The following SEMA6D variants were observed in gnomAD, a reference collection of about 807,000 sequenced individuals.
The protein encoded by SEMA6D is semaphorin 6D.
A neutral mutation model predicts 106.6 loss-of-function variants in SEMA6D; 35 were observed. The ratio of observed to expected loss-of-function variants is 0.33; its 90% confidence interval spans 0.25 to 0.44. The LOEUF (loss-of-function observed/expected upper bound fraction) is 0.44. Ranked by LOEUF, SEMA6D falls within the 20% of genes least tolerant of loss-of-function variation. The pLI is 1.00. For missense variants in SEMA6D, 1,185 were observed against 1,345.9 expected (o/e 0.88, Z 1.87); for synonymous variants, 499 against 487.7 (o/e 1.02, Z -0.31).
chr15:47,601,183 G>C (rs2076650178), intron 4 of SEMA6D, among the ~76,000 whole-genome samples: 1 of 152,134 alleles, frequency 6.6e-6, no homozygotes, highest in Non-Finnish European at 1.5e-5. Context: ...TGATACAGCA[G>C]ACTCTTTGTC....
chr15:47,486,667 G>A (rs1198958302), intron 3 of SEMA6D, among the ~76,000 whole-genome samples: 5 of 152,198 alleles, frequency 3.3e-5, no homozygotes, highest in African/African-American at 1.2e-4. Context: ...ACATGGGAGA[G>A]CATACTCATA....
In SEMA6D at chr15:47,640,860, C is replaced by CTT. The variant is rs76422184; in HGVS notation, c.-55+39974_-55+39975dup. Reference sequence around the variant, plus strand: ...GGAAGGAAAGCTGAAAATTACATACCTTTTTTTTTTTAAATCGCTTCTTGA... The same window carrying CTT: ...GGAAGGAAAGCTGAAAATTACATACCTTTTTTTTTTTTTAAATCGCTTCTTGA... On this transcript the variant is annotated intron_variant, in intron 4 of 19. Transcript: ENST00000558014. 6.4e-4 allele frequency among the ~76,000 whole-genome samples: 95 copies of CTT among 147,466 alleles called. 1 individual carries two copies. Among genetic ancestry groups the CTT allele is most frequent in the African/African-American group, 2.2e-3 (87 of 40,306 alleles).
chr15:47,267,254 G>T (rs1012494410), intron 1 of SEMA6D, among the ~76,000 whole-genome samples: 4 of 152,016 alleles, frequency 2.6e-5, no homozygotes, highest in Admixed American at 2.6e-4. Flanking sequence ...TTAAAACTTT[G>T]TAGATCTGTT....
intron 2 of SEMA6D, among the ~76,000 whole-genome samples, chr15:47,451,911 A>G (rs1211654429): frequency 6.6e-6 from 1 of 152,016 alleles, no homozygotes; most frequent in Admixed American, 6.6e-5. Flanking sequence ...ATTCTATTGT[A>G]TGTAAATTAT....
intron 1 of SEMA6D, among the ~76,000 whole-genome samples, chr15:47,756,865 A>C (rs2081772290): frequency 6.7e-6 from 1 of 148,514 alleles, no homozygotes; most frequent in Non-Finnish European, 1.5e-5. Context: ...AAATGCCTCC[A>C]TTTATAACTA....
At chr15:47,681,752 A>G (rs1217498098) in intron 4 of SEMA6D, among the ~76,000 whole-genome samples, 1 of 152,200 alleles carries the variant, frequency 6.6e-6, no homozygotes, top group South Asian at 2.1e-4. Flanking sequence ...CAGTGGTGAT[A>G]TGAGGTTGAA....
At chr15:47,482,241 G>T (rs558661150) in intron 3 of SEMA6D, among the ~76,000 whole-genome samples, 1 of 152,156 alleles carries the variant, frequency 6.6e-6, no homozygotes, top group South Asian at 2.1e-4. Context: ...TTTTGAGGAA[G>T]ATTTTTAAAA....
At chr15:47,766,490 G>GT (rs950321375) in intron 15 of SEMA6D, 126 bp from the exon 16 acceptor site, 49,953 of 342,348 alleles carry the variant, frequency 0.15, no homozygotes, top group East Asian at 0.19. Context: ...TTAAAATGTT[G>GT]TTTTTTTTTT....
chr15:47,220,331 G>T (rs2031074798), intron 1 of SEMA6D, among the ~76,000 whole-genome samples: 1 of 152,180 alleles, frequency 6.6e-6, no homozygotes, highest in Non-Finnish European at 1.5e-5. Flanking sequence ...GTGCCAAGGT[G>T]CTGTTGTGGT....
At chr15:47,587,270 C>T (rs1243919919) in intron 3 of SEMA6D, among the ~76,000 whole-genome samples, 1 of 151,282 alleles carries the variant, frequency 6.6e-6, no homozygotes, top group Non-Finnish European at 1.5e-5. Context: ...CAAAGTGGTC[C>T]CATCACCTCC....
intron 1 of SEMA6D, among the ~76,000 whole-genome samples, chr15:47,386,776 G>C (rs1221112324): frequency 6.6e-6 from 1 of 152,158 alleles, no homozygotes; most frequent in Non-Finnish European, 1.5e-5. Context: ...TGCCAGGCAC[G>C]TTCTTATAGC....
chr15:47,615,432 ACT>A (rs767887118), intron 4 of SEMA6D, among the ~76,000 whole-genome samples: 54 of 152,244 alleles, frequency 3.5e-4, no homozygotes, highest in African/African-American at 1.2e-3. Context: ...AACTTCCATG[ACT>A]CTAGTTTTCT....
rs559202237 is a variant in SEMA6D, at chr15:47,231,184, G to A, written c.-239+46766G>A. ...TTTTTCTCTCTCTTTTATTTGGCTTGAATGTCGAGCTTAGCGGTTGAAATC... is the reference window on the plus strand; with the variant it reads ...TTTTTCTCTCTCTTTTATTTGGCTTAAATGTCGAGCTTAGCGGTTGAAATC... On this transcript the variant is annotated intron_variant, in intron 1 of 19. Coordinates refer to the SEMA6D transcript ENST00000558014. 2.6e-5 allele frequency among the ~76,000 whole-genome samples: 4 copies of A among 151,390 alleles called. No individual in the cohort carries two copies. The East Asian group carries it at 5.9e-4, about 22-fold the overall frequency.
chr15:47,497,774 G>A (rs1052020195), intron 3 of SEMA6D, among the ~76,000 whole-genome samples: 2 of 152,020 alleles, frequency 1.3e-5, no homozygotes, highest in Non-Finnish European at 2.9e-5. Flanking sequence ...GTAAACTGTA[G>A]TACCATACTA....
At chr15:47,355,959 A>G (rs1022411008) in intron 1 of SEMA6D, among the ~76,000 whole-genome samples, 2 of 152,182 alleles carry the variant, frequency 1.3e-5, no homozygotes, top group Non-Finnish European at 2.9e-5. Flanking sequence ...ACTGCATACC[A>G]TGGTAGGCAT....
intron 1 of SEMA6D, among the ~76,000 whole-genome samples, chr15:47,226,873 C>T (rs2031706952): frequency 6.6e-6 from 1 of 152,094 alleles, no homozygotes; most frequent in South Asian, 2.1e-4. Flanking sequence ...TGGTTCACAT[C>T]AGATATTACG....
chr15:47,687,490 G>T (rs980115799), intron 4 of SEMA6D, among the ~76,000 whole-genome samples: 1 of 152,106 alleles, frequency 6.6e-6, no homozygotes, highest in Non-Finnish European at 1.5e-5. Flanking sequence ...GCTAAGTGAA[G>T]CAGAGAAATA....
At chr15:47,762,419 A>G in intron 8 of SEMA6D, 100 bp downstream of exon 8, 7 of 1,363,288 alleles carry the variant, frequency 5.1e-6, no homozygotes, top group Non-Finnish European at 7.1e-6. Flanking sequence ...ATGACTTTAT[A>G]TTGTTTATTT....
At chr15:47,504,467 A>C (rs1040910832) in intron 3 of SEMA6D, among the ~76,000 whole-genome samples, 2 of 151,392 alleles carry the variant, frequency 1.3e-5, no homozygotes, top group African/African-American at 4.9e-5. Flanking sequence ...GGAAGCCTGC[A>C]TTGCTCTATT....
Sources: allele counts gnomAD v4.1 joint callset (sites outside exome capture counted in the v4.1 genomes callset), GRCh38; gene constraint gnomAD v4.1.1; transcripts MANE v1.5; gene names NCBI Gene and HGNC (gene_info 2026-07-23, HGNC 2026-07-21).